Variants in FAM184B observed in about 807,000 individuals in gnomAD.
The protein encoded by FAM184B is protein FAM184B.
A neutral mutation model predicts 135.9 loss-of-function variants in FAM184B; 111 were observed. The observed-to-expected ratio is 0.82, with a 90% CI of 0.70 to 0.96. The LOEUF is 0.96. Ranked by LOEUF, FAM184B falls within the 40% of genes least tolerant of loss-of-function variation. FAM184B has a pLI of 0.00. For missense variants in FAM184B, 1,375 were observed against 1,323.9 expected (o/e 1.04, Z -0.60); for synonymous variants, 552 against 524.8 (o/e 1.05, Z -0.71).
chr4:17,680,246 A>C (rs933949597), intron 7 of FAM184B, among the ~76,000 whole-genome samples: 1 of 152,224 alleles, frequency 6.6e-6, no homozygotes, highest in African/African-American at 2.4e-5. Context: ...ATGTCATTAA[A>C]AATTATATTT....
chr4:17,654,357 A>T (rs193037462), intron 10 of FAM184B, among the ~76,000 whole-genome samples: 104 of 151,908 alleles, frequency 6.8e-4, no homozygotes, highest in Non-Finnish European at 1.3e-3. Context: ...ACTCTTTTTT[A>T]TATATATATA....
intron 1 of FAM184B, among the ~76,000 whole-genome samples, chr4:17,764,673 C>A (rs776366573): frequency 3.3e-5 from 5 of 152,160 alleles, no homozygotes; most frequent in Non-Finnish European, 7.3e-5. Flanking sequence ...ATGCTAGAAG[C>A]TGTTGGGAGT....
chr4:17,659,935 C>T (rs1715873697), intron 9 of FAM184B, 23 bp downstream of exon 9: 1 of 1,549,176 alleles, frequency 6.5e-7, no homozygotes, highest in Non-Finnish European at 8.7e-7. Flanking sequence ...GAAGGGGGCA[C>T]ATCCCCACCA....
intron 1 of FAM184B, among the ~76,000 whole-genome samples, chr4:17,765,915 G>T (rs1276274424): frequency 6.6e-6 from 1 of 152,096 alleles, no homozygotes; most frequent in African/African-American, 2.4e-5. Flanking sequence ...GGTGGTGAGT[G>T]TTACAGCTCT....
At chr4:17,659,390 AACCACCAC>A (rs1290445314) in intron 9 of FAM184B, among the ~76,000 whole-genome samples, 1 of 151,214 alleles carries the variant, frequency 6.6e-6, no homozygotes. Context: ...TACAGGTGTG[AACCACCAC>A]ACCTGGCCAT....
intron 12 of FAM184B, 124 bp downstream of exon 12, chr4:17,647,513 G>T: frequency 1.6e-6 from 2 of 1,245,880 alleles, no homozygotes; most frequent in Non-Finnish European, 2.2e-6. Flanking sequence ...GCCTCCCAAA[G>T]TGCTAGATTC....
intron 1 of FAM184B, among the ~76,000 whole-genome samples, chr4:17,731,813 C>A (rs919270725): frequency 7.9e-5 from 12 of 152,190 alleles, no homozygotes; most frequent in Admixed American, 3.9e-4. Context: ...AGGAATTGAA[C>A]TCAGCTCTGC....
intron 14 of FAM184B, among the ~76,000 whole-genome samples, 182 bp from the exon 15 acceptor site, chr4:17,636,827 C>T (rs1175133664): frequency 6.6e-6 from 1 of 150,828 alleles, no homozygotes; most frequent in African/African-American, 2.4e-5. Flanking sequence ...GATTCCAGCT[C>T]TGTCAGGTCC....
intron 1 of FAM184B, among the ~76,000 whole-genome samples, chr4:17,736,910 C>G (rs1025647899): frequency 6.6e-6 from 1 of 152,134 alleles, no homozygotes; most frequent in Non-Finnish European, 1.5e-5. Context: ...TTTGGGAGGC[C>G]GAGGTGGGCA....
intron 1 of FAM184B, among the ~76,000 whole-genome samples, chr4:17,749,595 A>G (rs928802353): frequency 2.6e-5 from 4 of 152,232 alleles, no homozygotes; most frequent in Non-Finnish European, 4.4e-5. Context: ...AGTGCCATCT[A>G]TATGGCCTGC....
At chr4:17,661,278 C>T (rs771669127) in intron 8 of FAM184B, among the ~76,000 whole-genome samples, 17 of 152,296 alleles carry the variant, frequency 1.1e-4, no homozygotes, top group East Asian at 3.9e-4. Context: ...GGGCTGGGTG[C>T]GGTGGCTCAT....
intron 1 of FAM184B, 84 bp from the exon 2 acceptor site, chr4:17,709,728 A>C (rs1717213568): frequency 7.9e-7 from 1 of 1,269,928 alleles, no homozygotes. Context: ...ATTCTCCTGC[A>C]TGGCGGTTGA....
chr4:17,764,995 G>C (rs1235494162), intron 1 of FAM184B, among the ~76,000 whole-genome samples: 2 of 152,180 alleles, frequency 1.3e-5, no homozygotes, highest in Non-Finnish European at 2.9e-5. Context: ...GAGCCCAGGA[G>C]GTCAAGCCTG....
intron 7 of FAM184B, among the ~76,000 whole-genome samples, chr4:17,675,309 G>A (rs1275266304): frequency 6.6e-6 from 1 of 152,134 alleles, no homozygotes; most frequent in Non-Finnish European, 1.5e-5. Context: ...GCTCTTGGGT[G>A]ACCAGGTGGT....
chr4:17,753,088 T>C (rs1432287413), intron 1 of FAM184B, among the ~76,000 whole-genome samples: 1 of 152,208 alleles, frequency 6.6e-6, no homozygotes, highest in African/African-American at 2.4e-5. Context: ...CTCACATCTA[T>C]TTGACCCCTG....
intron 7 of FAM184B, among the ~76,000 whole-genome samples, chr4:17,687,039 C>T (rs1422833398): frequency 6.6e-6 from 1 of 152,200 alleles, no homozygotes; most frequent in Non-Finnish European, 1.5e-5. Flanking sequence ...TCCACAGTCA[C>T]TAGATTTTGG....
intron 1 of FAM184B, among the ~76,000 whole-genome samples, chr4:17,766,732 C>A (rs775977180): frequency 2.6e-5 from 4 of 152,224 alleles, no homozygotes; most frequent in Non-Finnish European, 4.4e-5. Flanking sequence ...GACTCAGGAG[C>A]CCAGCTGGTT....
At chr4:17,756,585 T>G (rs529496515) in intron 1 of FAM184B, among the ~76,000 whole-genome samples, 8 of 152,244 alleles carry the variant, frequency 5.3e-5, no homozygotes, top group African/African-American at 1.9e-4. Flanking sequence ...GCTAACCAAA[T>G]AGTTGATGAG....
intron 3 of FAM184B, among the ~76,000 whole-genome samples, chr4:17,706,305 C>T (rs569842091): frequency 2.6e-5 from 4 of 152,274 alleles, no homozygotes; most frequent in Middle Eastern, 3.4e-3. Flanking sequence ...GACCTCTGCT[C>T]GAAACCCACA....
Sources: allele counts gnomAD v4.1 joint callset (sites outside exome capture counted in the v4.1 genomes callset), GRCh38; gene constraint gnomAD v4.1.1; transcripts MANE v1.5; gene names NCBI Gene and HGNC (gene_info 2026-07-23, HGNC 2026-07-21).